PRKD2: variants seen among roughly 807,000 people sequenced by gnomAD.
PRKD2 encodes serine/threonine-protein kinase D2.
PRKD2 carries 22 observed loss-of-function variants against 86.0 expected under a neutral mutation model. The ratio of observed to expected loss-of-function variants is 0.26; its 90% confidence interval spans 0.18 to 0.37. The LOEUF is 0.37. PRKD2 is among the 10% of genes least tolerant of loss of function. The pLI, the probability that PRKD2 is intolerant of heterozygous loss-of-function variation, is 1.00. For synonymous variants in PRKD2, 509 were observed against 510.9 expected (o/e 1.00, Z 0.05); for missense variants, 818 against 1,199.2 (o/e 0.68, Z 4.70).
chr19:46,683,891 A>C (rs1297008673), intron 14 of PRKD2, among the ~76,000 whole-genome samples: 3 of 152,092 alleles, frequency 2.0e-5, no homozygotes, highest in Admixed American at 2.0e-4. Flanking sequence ...GTGTCTCTTA[A>C]ATAAAGCTTC....
In PRKD2 at chr19:46,678,448, C is replaced by T; in HGVS notation, c.2286G>A (p.Gln762=). The T allele has an allele frequency of 1.2e-6, 2 of 1,614,202 alleles. No homozygotes were observed. The highest frequency in any genetic ancestry group is 4.5e-5 in the East Asian group (2 of 44,876). ...NEDEDINDQI[Q]NAAFMYPASP... is the part of the protein sequence containing the mutation. The stretch of plus-strand genomic sequence containing the variant: ...TGGCCGGGTACATGAAGGCGGCGTT[C>T]TGGATCTGGTCATTGATGTCCTCAT... The change falls in exon 16 of 18, where the codon CAG becomes CAA. Residue 762 remains glutamine, a synonymous_variant. Coordinates refer to ENST00000291281, the MANE Select transcript of PRKD2 (RefSeq NM_016457.5). This position sits in a 1 kb window ranked among gnomAD's most constrained non-coding sequence, Gnocchi z 5.7.
rs1372046315 is a variant in PRKD2 at position 46,697,937 on chromosome 19, G to C, written c.1122-87C>G. ...TGCAGGGGGCATCTCTGGGAAACTA[G>C]GGAGTTGGGGACTGTTTTTGTTTGT... is the stretch of plus-strand genomic sequence containing the variant. On this transcript the variant is annotated intron_variant, in intron 7 of 17. Transcript: ENST00000291281. The C allele has an allele frequency of 3.9e-6, 4 of 1,015,004 alleles. No individual in the cohort carries two copies. In the African/African-American group the frequency reaches 6.3e-5, roughly 16 times the overall value. The allele number at this position is 1,015,004 out of a possible 1,614,324, so 62.9% of individuals were successfully genotyped here.
In PRKD2 at chr19:46,711,187, T is replaced by C. The variant is rs1424684504; in HGVS notation, c.380-149A>G. On this transcript the variant is annotated intron_variant, in intron 2 of 17. Transcript: ENST00000291281. ...ATTTGCTCTCATACTACATTCTGCCTGGGTTCAAATCCCAGCTCCACCCCT... is the reference window on the plus strand; with the variant it reads ...ATTTGCTCTCATACTACATTCTGCCCGGGTTCAAATCCCAGCTCCACCCCT... 5 of 1,200,118 alleles carry C rather than the reference T, an allele frequency of 4.2e-6. No individual in the cohort carries two copies. In the Admixed American group the frequency reaches 1.3e-4, roughly 30 times the overall value. 74.3% of individuals were successfully genotyped at this position (1,200,118 alleles called of 1,614,324 possible).
chr19:46,686,070 T>A (rs4511639), intron 14 of PRKD2: 91,714 of 151,792 alleles, frequency 0.6, 27,763 homozygotes, highest in African/African-American at 0.63. Flanking sequence ...TGGGCCAGGG[T>A]AAAGGGAACA....
At chr19:46,704,882 T>C (rs2053691642) in intron 3 of PRKD2, among the ~76,000 whole-genome samples, 1 of 151,148 alleles carries the variant, frequency 6.6e-6, no homozygotes, top group Non-Finnish European at 1.5e-5. Context: ...TCACCCCATC[T>C]GTCCCCCAGA....
intron 3 of PRKD2, among the ~76,000 whole-genome samples, chr19:46,705,492 T>C (rs1468848401): frequency 2.0e-5 from 3 of 152,238 alleles, no homozygotes; most frequent in African/African-American, 7.2e-5. Flanking sequence ...TGTGATTAAA[T>C]CTTAGTAGTG....
At chr19:46,698,094 C>G (rs2053587126) in intron 7 of PRKD2, among the ~76,000 whole-genome samples, 1 of 152,052 alleles carries the variant, frequency 6.6e-6, no homozygotes, top group African/African-American at 2.4e-5. Context: ...CTCTGCCTCC[C>G]GGGTTCAAGC....
rs1457736761 is a variant in PRKD2 at position 46,704,655 on chromosome 19, G to C, written c.512-6C>G. On this transcript the variant is annotated splice_polypyrimidine_tract_variant and splice_region_variant and intron_variant, in intron 3 of 17. Coordinates refer to ENST00000291281, the MANE Select transcript of PRKD2 (RefSeq NM_016457.5). ...GTGGTAGTTCAGCCCGCAGCCTGCA[G>C]GGGGCGCCAGAGAGTAAGAGACATG... is the stretch of plus-strand genomic sequence containing the variant. The C allele has an allele frequency of 2.5e-6, 4 of 1,597,176 alleles. No homozygotes were observed. The African/African-American group carries it at 4.0e-5, about 16-fold the overall frequency.
intron 15 of PRKD2, among the ~76,000 whole-genome samples, chr19:46,679,153 G>A (rs1298357067): frequency 6.6e-6 from 1 of 151,996 alleles, no homozygotes; most frequent in Non-Finnish European, 1.5e-5. Flanking sequence ...GACCAGCCTG[G>A]CCAACACGAT....
Position 46,678,982 on chromosome 19 carries a change from A to T in PRKD2, c.2071-319T>A, listed in dbSNP as rs1437456267. Among the ~76,000 whole-genome samples, 2 of 152,178 alleles carry T rather than the reference A, an allele frequency of 1.3e-5. No homozygotes were observed. Among genetic ancestry groups the T allele is most frequent in the Admixed American group, 6.5e-5 (1 of 15,272 alleles). On this transcript the variant is annotated intron_variant, in intron 15 of 17. Coordinates refer to ENST00000291281, the MANE Select transcript of PRKD2 (RefSeq NM_016457.5). The surrounding 1 kb of genome is among the most constrained non-coding windows in gnomAD (Gnocchi z 5.7). The stretch of plus-strand genomic sequence containing the variant: ...CACAATAAATGCTAGCTGCTGCTAT[A>T]CCTCTGCCACCTCCAATGGGTCGCT...
rs1459321075 is a variant in PRKD2, at chr19:46,693,450, G to GT, written c.1576+424dup. ...TTTGTTGTGGATTTTTGTTGTTGTTGTTTTTTCTGTTTTGGAGACAGAGTC... is the reference window on the plus strand; with the variant it reads ...TTTGTTGTGGATTTTTGTTGTTGTTGTTTTTTTCTGTTTTGGAGACAGAGTC... On this transcript the variant is annotated intron_variant, in intron 10 of 17. Transcript: ENST00000291281. This position sits in a 1 kb window ranked among gnomAD's most constrained non-coding sequence, Gnocchi z 4.5. Among the ~76,000 whole-genome samples the GT allele has an allele frequency of 2.4e-4, 37 of 152,120 alleles. No homozygotes were observed. In the Middle Eastern group the frequency reaches 0.01, roughly 42 times the overall value.
At chr19:46,691,696 C>G (rs1303449696) in intron 12 of PRKD2, 39 bp downstream of exon 12, 2 of 1,603,352 alleles carry the variant, frequency 1.2e-6, no homozygotes, top group Non-Finnish European at 8.5e-7. Context: ...CTTCCCCCAG[C>G]CCGGGGCTCC....
In PRKD2 at chr19:46,674,540, G is replaced by A. The variant is rs756527845; in HGVS notation, c.2620C>T (p.Arg874Cys). The A allele has an allele frequency of 1.7e-5, 27 of 1,612,600 alleles. No homozygotes were observed. The highest frequency in any genetic ancestry group is 2.2e-5 in the Non-Finnish European group (26 of 1,179,674). ...ACAGGACCTCAGAGAACACTGATGC[G>A]CTCCGCCAGCCCCTGCATGTCGTGG... is the stretch of plus-strand genomic sequence containing the variant. ...QDHDMQGLAE[R>C]ISVL The change falls in exon 18 of 18, where the codon CGC becomes TGC. Residue 874 changes from arginine to cysteine, a missense_variant. Around this residue, in one of 5 missense-constraint regions of PRKD2, gnomAD observed 132 missense variants for 146.2 expected, o/e 0.90. Coordinates refer to ENST00000291281, the MANE Select transcript of PRKD2 (RefSeq NM_016457.5).
chr19:46,685,258 C>CAAA (rs763420052), intron 14 of PRKD2, among the ~76,000 whole-genome samples: 4 of 89,082 alleles, frequency 4.5e-5, no homozygotes, highest in Non-Finnish European at 6.2e-5. Flanking sequence ...GACTTCGTCT[C>CAAA]AAAAAAAAAA....
chr19:46,695,837 T>A (rs545681926), intron 9 of PRKD2, among the ~76,000 whole-genome samples: 1 of 151,202 alleles, frequency 6.6e-6, no homozygotes, highest in African/African-American at 2.5e-5. Flanking sequence ...GCATTATATT[T>A]TATTTTATTT....
intron 14 of PRKD2, among the ~76,000 whole-genome samples, chr19:46,683,720 A>G (rs532471776): frequency 2.0e-5 from 3 of 151,134 alleles, no homozygotes; most frequent in Admixed American, 6.6e-5. Flanking sequence ...GCCATCTCAG[A>G]AAAAAAAAGA....
chr19:46,682,196 T>C (rs781611528), intron 14 of PRKD2, among the ~76,000 whole-genome samples: 2 of 151,986 alleles, frequency 1.3e-5, no homozygotes, highest in East Asian at 1.9e-4. Flanking sequence ...TTAGTAGAGA[T>C]GGGGTTTCAC....
chr19:46,681,256 T>A (rs1326808285), intron 15 of PRKD2, among the ~76,000 whole-genome samples: 1 of 106,664 alleles, frequency 9.4e-6, no homozygotes, highest in Non-Finnish European at 2.1e-5. Context: ...GCACCCAGTC[T>A]TTTTTTTTTT....
rs1021338482 is a variant in PRKD2, at chr19:46,713,897, G to T, written c.345C>A (p.Ile115=). ...LLQLVRSSGD[I]QEGDLVEVVL... is the part of the protein sequence containing the mutation. ...CCACCTCCACCAGGTCGCCCTCCTGGATGTCTCCGGACGAGCGCACCAGCT... is the reference window on the plus strand; with the variant it reads ...CCACCTCCACCAGGTCGCCCTCCTGTATGTCTCCGGACGAGCGCACCAGCT... The change falls in exon 2 of 18, where the codon ATC becomes ATA. Residue 115 remains isoleucine (I), a synonymous_variant. Coordinates refer to ENST00000291281, the MANE Select transcript of PRKD2 (RefSeq NM_016457.5). 28 of 1,612,092 alleles carry T rather than the reference G, an allele frequency of 1.7e-5. No individual in the cohort carries two copies. The highest frequency in any genetic ancestry group is 2.7e-5 in the African/African-American group (2 of 74,816).
Sources: allele counts gnomAD v4.1 joint callset (sites outside exome capture counted in the v4.1 genomes callset), GRCh38; gene constraint gnomAD v4.1.1; regional missense constraint gnomAD v4.1.1; non-coding constraint Gnocchi (gnomAD v3.1); transcripts MANE v1.5; gene names NCBI Gene and HGNC (gene_info 2026-07-23, HGNC 2026-07-21).